The following TECR variants were observed in gnomAD, a reference collection of about 807,000 sequenced individuals.
The protein encoded by TECR is trans-2,3-enoyl-CoA reductase, also known as very-long-chain enoyl-CoA reductase.
In TECR, 19 loss-of-function variants were observed where a neutral mutation model predicts 50.6. The ratio of observed to expected loss-of-function variants is 0.38; its 90% CI spans 0.26 to 0.55. The LOEUF (loss-of-function observed/expected upper bound fraction) is 0.55. Ranked by LOEUF, TECR falls within the 20% of genes least tolerant of loss-of-function variation. TECR has a pLI of 0.79. For synonymous variants in TECR, 168 were observed against 163.5 expected (o/e 1.03, Z -0.21); for missense variants, 313 against 408.3 (o/e 0.77, Z 2.01).
chr19:14,550,685 G>A (rs2073468478), intron 1 of TECR, among the ~76,000 whole-genome samples: 1 of 151,442 alleles, frequency 6.6e-6, no homozygotes, highest in African/African-American at 2.4e-5. Flanking sequence ...CAGTTTTTTG[G>A]TTTGTTTGTT....
At chr19:14,560,059 C>G (rs1469687155) in intron 1 of TECR, among the ~76,000 whole-genome samples, 1 of 152,196 alleles carries the variant, frequency 6.6e-6, no homozygotes, top group Non-Finnish European at 1.5e-5. Flanking sequence ...GTCTCCTCTC[C>G]TTGGGCCTCA....
chr19:14,543,444 TTTTTTTTTTTTTG>T (rs1568406268), intron 1 of TECR, among the ~76,000 whole-genome samples: 2 of 60,748 alleles, frequency 3.3e-5, no homozygotes, highest in African/African-American at 6.1e-5. Context: ...TTTTTTTTTT[TTTTTTTTTTTTTG>T]AGACGGAGTC....
Position 14,563,402 on chromosome 19 carries a change from AGGCGCC to A in TECR, c.118+146_118+151del. 1 of 895,030 alleles carries A rather than the reference AGGCGCC, an allele frequency of 1.1e-6. No homozygotes were observed. The highest frequency in any genetic ancestry group is 1.4e-5 in the South Asian group (1 of 69,810). 55.4% of individuals were successfully genotyped at this position (895,030 alleles called of 1,614,324 possible). On this transcript the variant is annotated intron_variant, in intron 3 of 12. Coordinates refer to ENST00000215567, the MANE Select transcript of TECR (RefSeq NM_138501.6). This position sits in a 1 kb window ranked among gnomAD's most constrained non-coding sequence, Gnocchi z 5.3. Reference sequence around the variant, plus strand: ...CAGGCTTCTGGGGCGTGACTGGGGCAGGCGCCTCCACGTGGCACTCCGCAGGAACGC... The same window carrying A: ...CAGGCTTCTGGGGCGTGACTGGGGCATCCACGTGGCACTCCGCAGGAACGC...
At chr19:14,562,486 G>A in intron 1 of TECR, 39 bp from the exon 2 acceptor site, 8 of 1,613,900 alleles carry the variant, frequency 5.0e-6, no homozygotes, top group East Asian at 2.2e-5. Flanking sequence ...ACCCCCAAAG[G>A]TGGCCAAGAA....
At position 14,564,217 on chromosome 19, in the gene TECR, A is replaced by G. The variant is rs1370748911; in HGVS notation, c.419A>G (p.Lys140Arg). ...ATCTGTCACTCATTCCACTACATCA[A>G]GCGCCTGCTGGAGACGCTCTTCGTG... ...ACICHSFHYI[K>R]RLLETLFVHR... The change falls in exon 7 of 13, where the codon AAG becomes AGG. Residue 140 changes from lysine to arginine, a missense_variant. Lys to Arg is a conservative substitution (Grantham distance 26, BLOSUM62 2). Transcript: ENST00000215567. 2 of 1,607,822 alleles carry G rather than the reference A, an allele frequency of 1.2e-6. No homozygotes were observed. Among genetic ancestry groups the G allele is most frequent in the East Asian group, 2.2e-5 (1 of 44,830 alleles).
upstream of TECR, chr19:14,529,553 G>A (rs1039376395): frequency 7.8e-6 from 10 of 1,286,306 alleles, no homozygotes; most frequent in South Asian, 1.2e-5. Context: ...TGGCCGACGG[G>A]GCGCGCGCGG....
chr19:14,551,766 C>T (rs902294211), intron 1 of TECR, among the ~76,000 whole-genome samples: 2 of 152,016 alleles, frequency 1.3e-5, no homozygotes, highest in African/African-American at 4.8e-5. Flanking sequence ...CAGAGAGGCT[C>T]AGTTCTTGGT....
intron 1 of TECR, chr19:14,536,827 T>C (rs1428632757): frequency 2.0e-5 from 3 of 152,080 alleles, no homozygotes; most frequent in Non-Finnish European, 4.4e-5. Context: ...TTTCTTGGTC[T>C]GGTGAGCATC....
chr19:14,539,034 C>T (rs1250238591), intron 1 of TECR, among the ~76,000 whole-genome samples: 1 of 149,608 alleles, frequency 6.7e-6, no homozygotes, highest in African/African-American at 2.5e-5. Context: ...AGTTCAGTGG[C>T]TCCATCTCGG....
chr19:14,562,262 G>A (rs1365257392), intron 1 of TECR: 7 of 605,782 alleles, frequency 1.2e-5, no homozygotes, highest in Admixed American at 2.9e-5. Flanking sequence ...CCAGCACCGC[G>A]GCAGAATTTG....
chr19:14,560,846 C>T (rs368467787), intron 1 of TECR, among the ~76,000 whole-genome samples: 11 of 152,282 alleles, frequency 7.2e-5, no homozygotes, highest in Admixed American at 2.0e-4. Context: ...ACCAAACCCA[C>T]GGGCAACAAT....
chr19:14,560,942 G>C (rs1288583479), intron 1 of TECR, among the ~76,000 whole-genome samples: 1 of 152,144 alleles, frequency 6.6e-6, no homozygotes, highest in Non-Finnish European at 1.5e-5. Flanking sequence ...TCACAGTCCT[G>C]GGAGGTAGTC....
At chr19:14,547,642 G>A (rs1437657771) in intron 1 of TECR, among the ~76,000 whole-genome samples, 2 of 150,404 alleles carry the variant, frequency 1.3e-5, no homozygotes, top group Non-Finnish European at 2.9e-5. Context: ...GATTACAGGT[G>A]TGAGCCACTG....
Position 14,542,347 on chromosome 19 carries a change from GTTTTTTTTTTTTT to G in TECR, c.15+12653_15+12665del, listed in dbSNP as rs71166754. Among the ~76,000 whole-genome samples, 102 of 43,308 alleles carry G rather than the reference GTTTTTTTTTTTTT, an allele frequency of 2.4e-3. 1 individual carries two copies. Among genetic ancestry groups the G allele is most frequent in the African/African-American group, 6.9e-3 (85 of 12,330 alleles). The allele number at this position is 43,308 out of a possible 152,430, so 28.4% of individuals were successfully genotyped here. ...CCTCAGGGGGCCCTCATGCCATAGT[GTTTTTTTTTTTTT>G]TTTTTTTTTTTTTTTTCTGAGATGG... On this transcript the variant is annotated intron_variant, in intron 1 of 12. Coordinates refer to ENST00000215567, the MANE Select transcript of TECR (RefSeq NM_138501.6).
chr19:14,553,713 G>C (rs1019416407), intron 1 of TECR, among the ~76,000 whole-genome samples: 2 of 151,968 alleles, frequency 1.3e-5, no homozygotes, highest in Admixed American at 1.3e-4. Context: ...TGGGGGCGAG[G>C]TGATGGGGGC....
intron 1 of TECR, among the ~76,000 whole-genome samples, chr19:14,552,037 GGT>G (rs1451796003): frequency 1.4e-5 from 2 of 145,618 alleles, no homozygotes; most frequent in African/African-American, 5.1e-5. Flanking sequence ...TGCAGTCAGT[GGT>G]GCAGTCATAA....
intron 1 of TECR, among the ~76,000 whole-genome samples, chr19:14,558,619 T>C (rs1440805825): frequency 6.6e-6 from 1 of 152,138 alleles, no homozygotes; most frequent in Non-Finnish European, 1.5e-5. Context: ...CCTGCCTGTC[T>C]GCCCGTTCCT....
Position 14,529,754 on chromosome 19 carries a change from A to G in TECR, c.15+43A>G, listed in dbSNP as rs757369235. ...GGGGCCGTGTGGCCACTGCTGACCCATTCTTTTTCCTTCTTTGCGGGACCA... is the reference window on the plus strand; with the variant it reads ...GGGGCCGTGTGGCCACTGCTGACCCGTTCTTTTTCCTTCTTTGCGGGACCA... On this transcript the variant is annotated intron_variant, in intron 1 of 12. Transcript: ENST00000215567. The G allele has an allele frequency of 9.9e-6, 16 of 1,613,690 alleles. 1 individual carries two copies. The South Asian group carries it at 1.5e-4, about 16-fold the overall frequency.
At chr19:14,538,712 T>C (rs2072991392) in intron 1 of TECR, among the ~76,000 whole-genome samples, 3 of 151,318 alleles carry the variant, frequency 2.0e-5, no homozygotes, top group Non-Finnish European at 4.4e-5. Context: ...TTTGTATTTT[T>C]AGTAGAGACG....
Sources: gnomAD v4.1 joint callset for allele counts (sites outside exome capture counted in the v4.1 genomes callset) on GRCh38, gnomAD v4.1.1 for gene constraint, Gnocchi (gnomAD v3.1) non-coding constraint, MANE v1.5 for transcripts, NCBI Gene and HGNC (gene_info 2026-07-23, HGNC 2026-07-21) for gene names.